EPHA3: variants seen among roughly 807,000 people sequenced by gnomAD.
The protein encoded by EPHA3 is EPH receptor A3.
A neutral mutation model predicts 107.1 loss-of-function variants in EPHA3; 42 were observed. The observed-to-expected ratio is 0.39, with a 90% CI of 0.31 to 0.51. The LOEUF (loss-of-function observed/expected upper bound fraction) is 0.51, where lower values mean the gene tolerates loss of function less well. EPHA3 is among the 20% of genes least tolerant of loss of function. The pLI is 0.78. For missense variants in EPHA3, 1,183 were observed against 1,211.2 expected (o/e 0.98, Z 0.35); for synonymous variants, 461 against 424.8 (o/e 1.09, Z -1.05).
intron 5 of EPHA3, among the ~76,000 whole-genome samples, chr3:89,346,978 T>C (rs1210152141): frequency 6.9e-6 from 1 of 144,460 alleles, no homozygotes; most frequent in Non-Finnish European, 1.5e-5. Flanking sequence ...TTGATCTATA[T>C]CTCTGTTTTG....
At chr3:89,408,354 G>T (rs1709092550) in intron 9 of EPHA3, among the ~76,000 whole-genome samples, 1 of 152,060 alleles carries the variant, frequency 6.6e-6, no homozygotes, top group South Asian at 2.1e-4. Context: ...AAAATAAAGG[G>T]TAATCTGTGG....
At chr3:89,111,227 T>C (rs945365224) in intron 1 of EPHA3, among the ~76,000 whole-genome samples, 2 of 152,044 alleles carry the variant, frequency 1.3e-5, no homozygotes, top group African/African-American at 2.4e-5. Context: ...CTTTGAGTAG[T>C]AGGCAAATGT....
intron 3 of EPHA3, among the ~76,000 whole-genome samples, chr3:89,310,813 C>T (rs190559553): frequency 9.9e-5 from 15 of 151,976 alleles, no homozygotes; most frequent in Admixed American, 3.3e-4. Flanking sequence ...AATTGGAATG[C>T]GGATGTTTTA....
intron 2 of EPHA3, among the ~76,000 whole-genome samples, chr3:89,136,329 G>GGTTTTTTTTTTTTTTTT (rs1559747476): frequency 8.4e-5 from 2 of 23,888 alleles, no homozygotes; most frequent in South Asian, 8.1e-4. Context: ...AATCTTACAG[G>GGTTTTTTTTTTTTTTTT]CTTTTTTTTT....
rs537813688 is a variant in EPHA3 at position 89,354,614 on chromosome 3, G to A, written c.1306+12524G>A. 4.2e-4 allele frequency among the ~76,000 whole-genome samples: 63 copies of A among 151,152 alleles called. 2 individuals carry two copies. The Middle Eastern group carries it at 0.014, about 33-fold the overall frequency. On this transcript the variant is annotated intron_variant, in intron 5 of 16. Transcript: ENST00000336596. ...GGGGCCCTGACATTCTATACCATTC[G>A]CACCAAAGTAAAAGAATGCCAAGGC...
intron 3 of EPHA3, among the ~76,000 whole-genome samples, chr3:89,232,042 T>C (rs1182061187): frequency 5.3e-5 from 8 of 152,016 alleles, no homozygotes; most frequent in Admixed American, 5.2e-4. Context: ...GGAGGAGAGA[T>C]TCTTTATGTA....
intron 2 of EPHA3, among the ~76,000 whole-genome samples, chr3:89,154,749 G>T (rs1029776318): frequency 6.6e-6 from 1 of 150,966 alleles, no homozygotes; most frequent in African/African-American, 2.4e-5. Context: ...ATTTTAAAAG[G>T]TTGGAACTTT....
intron 3 of EPHA3, among the ~76,000 whole-genome samples, chr3:89,310,234 T>A (rs1195385001): frequency 6.6e-6 from 1 of 152,002 alleles, no homozygotes; most frequent in Non-Finnish European, 1.5e-5. Context: ...GTAAAAAGCA[T>A]AATAGTCCAT....
At chr3:89,117,354 G>A (rs1707281776) in intron 1 of EPHA3, among the ~76,000 whole-genome samples, 1 of 151,914 alleles carries the variant, frequency 6.6e-6, no homozygotes. Flanking sequence ...ACTGACTAAG[G>A]GGAACACAGA....
At chr3:89,344,630 A>G (rs1375625422) in intron 5 of EPHA3, among the ~76,000 whole-genome samples, 1 of 152,140 alleles carries the variant, frequency 6.6e-6, no homozygotes, top group African/African-American at 2.4e-5. Context: ...GTAGCCTTGA[A>G]AAATAAGCTC....
chr3:89,223,475 C>T (rs1325270853), intron 3 of EPHA3, among the ~76,000 whole-genome samples: 2 of 152,132 alleles, frequency 1.3e-5, no homozygotes, highest in African/African-American at 2.4e-5. Flanking sequence ...ATTGGCTAGT[C>T]GCCAGGCTCA....
At chr3:89,305,062 A>G (rs1197409427) in intron 3 of EPHA3, among the ~76,000 whole-genome samples, 3 of 152,198 alleles carry the variant, frequency 2.0e-5, no homozygotes, top group Non-Finnish European at 4.4e-5. Context: ...CTGTGTTGGC[A>G]TAGCAATTTT....
chr3:89,129,022 T>C (rs750742703), intron 2 of EPHA3, among the ~76,000 whole-genome samples: 3 of 152,098 alleles, frequency 2.0e-5, no homozygotes, highest in African/African-American at 4.8e-5. Flanking sequence ...CATCAACATG[T>C]GGGAGATTGT....
intron 2 of EPHA3, among the ~76,000 whole-genome samples, chr3:89,194,060 T>C (rs1705780974): frequency 6.6e-6 from 1 of 152,044 alleles, no homozygotes; most frequent in Admixed American, 6.6e-5. Flanking sequence ...TATTTATCAC[T>C]TATGATTTAT....
At chr3:89,147,582 C>G (rs978965670) in intron 2 of EPHA3, among the ~76,000 whole-genome samples, 4 of 151,872 alleles carry the variant, frequency 2.6e-5, no homozygotes. Flanking sequence ...CAGACACGAA[C>G]AGAATCGTGT....
In EPHA3 at chr3:89,419,394, A is replaced by G. The variant is rs547243308; in HGVS notation, c.2074+4A>G. 4.9e-5 allele frequency: 78 copies of G among 1,582,448 alleles called. No individual in the cohort carries two copies. In the African/African-American group the frequency reaches 9.9e-4, roughly 20 times the overall value. On this transcript the variant is annotated splice_donor_region_variant and intron_variant, in intron 11 of 16. Transcript: ENST00000336596. ...CTGGAAGGAGTTGTTACCAAAAGTAAGTAAAGTAGTCATAAGACCTGTGTT... is the reference window on the plus strand; with the variant it reads ...CTGGAAGGAGTTGTTACCAAAAGTAGGTAAAGTAGTCATAAGACCTGTGTT...
intron 2 of EPHA3, among the ~76,000 whole-genome samples, chr3:89,129,689 A>G: frequency 6.6e-6 from 1 of 150,984 alleles, no homozygotes; most frequent in East Asian, 2.0e-4. Flanking sequence ...ATAGCCTGGC[A>G]TATACAAATA....
chr3:89,315,320 C>A (rs1013188184), intron 3 of EPHA3, among the ~76,000 whole-genome samples: 5 of 151,602 alleles, frequency 3.3e-5, no homozygotes, highest in African/African-American at 1.2e-4. Context: ...GTGAATAGAA[C>A]AGCAGTTAAG....
Position 89,241,258 on chromosome 3 carries a change from C to T in EPHA3, c.814+30738C>T, listed in dbSNP as rs1173363790. Reference sequence around the variant, plus strand: ...TTTACTCGAAACCCAATTACCTCCACGTGTCTGGTGGGAATTTTCACACCA... The same window carrying T: ...TTTACTCGAAACCCAATTACCTCCATGTGTCTGGTGGGAATTTTCACACCA... On this transcript the variant is annotated intron_variant, in intron 3 of 16. Transcript: ENST00000336596. Among the ~76,000 whole-genome samples the T allele has an allele frequency of 1.8e-4, 27 of 152,076 alleles. 1 individual carries two copies. The highest frequency in any genetic ancestry group is 4.4e-5 in the Non-Finnish European group (3 of 68,014).
Sources: allele counts gnomAD v4.1 joint callset (sites outside exome capture counted in the v4.1 genomes callset), GRCh38; gene constraint gnomAD v4.1.1; transcripts MANE v1.5; gene names NCBI Gene and HGNC (gene_info 2026-07-23, HGNC 2026-07-21).